Variants in CSMD1 observed in about 807,000 individuals in gnomAD.
CSMD1 encodes the protein CUB and Sushi multiple domains 1, also known as CUB and sushi domain-containing protein 1.
CSMD1 carries 213 observed loss-of-function variants against 417.5 expected under a neutral mutation model. That is an observed-to-expected ratio of 0.51 (90% confidence interval 0.46 to 0.57). The LOEUF (loss-of-function observed/expected upper bound fraction) is 0.57, where lower values mean the gene tolerates loss of function less well. CSMD1 is among the 20% of genes least tolerant of loss of function. The probability of loss-of-function intolerance (pLI) is 0.00; values close to 1 mark genes in which losing one functional copy is unlikely to be tolerated. For synonymous variants in CSMD1, 2,862 were observed against 1,736.8 expected, an observed-to-expected ratio of 1.65 and a Z score of -16.11; for missense variants, 6,923 against 4,529.7, an observed-to-expected ratio of 1.53 and a Z score of -15.17.
intron 3 of CSMD1, among the ~76,000 whole-genome samples, chr8:4,097,520 G>C (rs1428555858): frequency 6.6e-6 from 1 of 152,134 alleles, no homozygotes; most frequent in Non-Finnish European, 1.5e-5. Flanking sequence ...TGTTGCCCCT[G>C]GTGTGTTCAG....
intron 4 of CSMD1, among the ~76,000 whole-genome samples, chr8:4,018,930 C>T (rs145282143): frequency 6.6e-6 from 1 of 152,144 alleles, no homozygotes; most frequent in Non-Finnish European, 1.5e-5. Flanking sequence ...ATAACAAGAA[C>T]ATACGTAAGG....
At position 3,106,529 on chromosome 8, in the gene CSMD1, T is replaced by C. The variant is rs1816159866; in HGVS notation, c.6948A>G (p.Glu2316=). 2 of 1,604,010 alleles carry C rather than the reference T, an allele frequency of 1.2e-6. No individual in the cohort carries two copies. Among genetic ancestry groups the C allele is most frequent in the Non-Finnish European group, 1.7e-6 (2 of 1,171,026 alleles). Reference sequence around the variant, plus strand: ...GTTTTAGTATCGAACAGTGCATACCTTCACATGTTGGGAGAGAACCCTCAA... The same window carrying C: ...GTTTTAGTATCGAACAGTGCATACCCTCACATGTTGGGAGAGAACCCTCAA... ...LQFEGSLPTC[E]AQCPANEVRT... Residue 2316 remains glutamate, a splice_region_variant and synonymous_variant, in exon 46 of 70, where the codon GAA becomes GAG. Transcript: ENST00000635120.
intron 53 of CSMD1, among the ~76,000 whole-genome samples, chr8:2,999,243 C>T (rs1426169949): frequency 1.3e-5 from 2 of 148,318 alleles, no homozygotes; most frequent in African/African-American, 4.9e-5. Flanking sequence ...CAACCTCCAT[C>T]TCCAGGGTTC....
At chr8:3,988,806 C>A (rs537972391) in intron 5 of CSMD1, among the ~76,000 whole-genome samples, 1 of 152,236 alleles carries the variant, frequency 6.6e-6, no homozygotes, top group South Asian at 2.1e-4. Context: ...TATTTCCAAA[C>A]AACAAGGAAG....
In CSMD1 at chr8:4,182,419, C is replaced by T. The variant is rs898652229; in HGVS notation, c.416-150320G>A. 5.3e-5 allele frequency among the ~76,000 whole-genome samples: 8 copies of T among 152,002 alleles called. No individual in the cohort carries two copies. The South Asian group carries it at 1.0e-3, about 20-fold the overall frequency. ...GAGAGATCAGTAAATGCTGAACCTGCCCAGCCCACTTATATAATGAAATAA... is the reference window on the plus strand; with the variant it reads ...GAGAGATCAGTAAATGCTGAACCTGTCCAGCCCACTTATATAATGAAATAA... On this transcript the variant is annotated intron_variant, in intron 3 of 69. Coordinates refer to ENST00000635120, the MANE Select transcript of CSMD1 (RefSeq NM_033225.6).
At chr8:4,767,976 C>G (rs910755471) in intron 1 of CSMD1, among the ~76,000 whole-genome samples, 2 of 152,144 alleles carry the variant, frequency 1.3e-5, no homozygotes, top group African/African-American at 4.8e-5. Flanking sequence ...CAATCTAGCA[C>G]AGAGTGTGGA....
At chr8:3,995,340 T>G (rs995906437) in intron 5 of CSMD1, among the ~76,000 whole-genome samples, 1 of 152,138 alleles carries the variant, frequency 6.6e-6, no homozygotes. Flanking sequence ...AGATACTTCT[T>G]TTGACTATTA....
At chr8:4,221,009 C>T (rs1051653593) in intron 3 of CSMD1, among the ~76,000 whole-genome samples, 7 of 152,152 alleles carry the variant, frequency 4.6e-5, no homozygotes, top group Non-Finnish European at 1.0e-4. Context: ...ATGCCATGTG[C>T]CCGCAGGAGG....
intron 42 of CSMD1, among the ~76,000 whole-genome samples, chr8:3,116,755 T>G (rs1051383193): frequency 6.6e-6 from 1 of 152,152 alleles, no homozygotes; most frequent in South Asian, 2.1e-4. Flanking sequence ...TAATTGTAGT[T>G]TTTTTTAAAT....
At chr8:3,427,451 T>A (rs1233197102) in intron 12 of CSMD1, among the ~76,000 whole-genome samples, 1 of 152,176 alleles carries the variant, frequency 6.6e-6, no homozygotes, top group African/African-American at 2.4e-5. Context: ...AATTCCTATA[T>A]ATATATTTTT....
At chr8:3,639,353 G>A (rs1012513529) in intron 7 of CSMD1, among the ~76,000 whole-genome samples, 5 of 152,084 alleles carry the variant, frequency 3.3e-5, no homozygotes, top group Admixed American at 2.6e-4. Flanking sequence ...AGTTTAAGAG[G>A]AAAAAGAGAG....
intron 3 of CSMD1, among the ~76,000 whole-genome samples, chr8:4,190,740 A>T (rs191089551): frequency 6.6e-6 from 1 of 152,162 alleles, no homozygotes; most frequent in East Asian, 1.9e-4. Flanking sequence ...ACATGAATGG[A>T]TATAACTAAT....
intron 5 of CSMD1, among the ~76,000 whole-genome samples, chr8:3,834,827 G>C (rs1328635760): frequency 6.6e-6 from 1 of 151,724 alleles, no homozygotes; most frequent in Non-Finnish European, 1.5e-5. Context: ...ATCTGACAAA[G>C]GGCTAATATC....
At chr8:4,234,907 C>T (rs374680204) in intron 3 of CSMD1, among the ~76,000 whole-genome samples, 4 of 152,080 alleles carry the variant, frequency 2.6e-5, no homozygotes, top group African/African-American at 4.8e-5. Flanking sequence ...AGAAATAGAC[C>T]TCTGTGTTGT....
intron 3 of CSMD1, among the ~76,000 whole-genome samples, chr8:4,274,037 A>C (rs1315140655): frequency 6.6e-6 from 1 of 152,208 alleles, no homozygotes; most frequent in African/African-American, 2.4e-5. Context: ...CTTAAAATAA[A>C]TGCAGAGTTG....
intron 7 of CSMD1, among the ~76,000 whole-genome samples, chr8:3,618,738 A>C (rs1802270435): frequency 6.6e-6 from 1 of 152,186 alleles, no homozygotes; most frequent in African/African-American, 2.4e-5. Context: ...CAACCAAGCA[A>C]ATGCCCAATG....
chr8:3,725,745 T>A (rs575768323), intron 6 of CSMD1, among the ~76,000 whole-genome samples: 31 of 152,220 alleles, frequency 2.0e-4, no homozygotes, highest in African/African-American at 7.2e-4. Flanking sequence ...GCTGTGTTGT[T>A]AGTGAGGGCA....
intron 8 of CSMD1, among the ~76,000 whole-genome samples, chr8:3,588,680 TA>T: frequency 6.6e-6 from 1 of 152,082 alleles, no homozygotes; most frequent in South Asian, 2.1e-4. Flanking sequence ...AAACAATCAA[TA>T]AGCCTAAACC....
chr8:4,313,249 T>C (rs1798729805), intron 3 of CSMD1, among the ~76,000 whole-genome samples: 2 of 152,038 alleles, frequency 1.3e-5, no homozygotes, highest in Non-Finnish European at 1.5e-5. Context: ...TTGGCTAAAT[T>C]TTCAGTCACT....
Sources: gnomAD v4.1 joint callset for allele counts (sites outside exome capture counted in the v4.1 genomes callset) on GRCh38, gnomAD v4.1.1 for gene constraint, MANE v1.5 for transcripts, NCBI Gene and HGNC (gene_info 2026-07-23, HGNC 2026-07-21) for gene names.